Variants in CTNND2 observed in about 807,000 individuals in gnomAD.
The protein encoded by CTNND2 is catenin delta-2.
In CTNND2, 22 loss-of-function variants were observed where a neutral mutation model predicts 144.4. That is an observed-to-expected ratio of 0.15 (90% confidence interval 0.11 to 0.22). CTNND2 has a LOEUF of 0.22. CTNND2 is among the 10% of genes least tolerant of loss of function. CTNND2 has a pLI of 1.00. For missense variants in CTNND2, 1,353 were observed against 1,618.8 expected, an observed-to-expected ratio of 0.84 and a Z score of 2.82; for synonymous variants, 751 against 695.6, an observed-to-expected ratio of 1.08 and a Z score of -1.25.
At chr5:11,522,474 T>C (rs979152454) in intron 3 of CTNND2, among the ~76,000 whole-genome samples, 5 of 152,322 alleles carry the variant, frequency 3.3e-5, no homozygotes, top group Admixed American at 3.3e-4. Flanking sequence ...TCCCAAAGCA[T>C]TGCCGCAGAC....
chr5:11,436,179 A>T lies in CTNND2; in HGVS notation c.288-24110T>A, dbSNP rs562995022. On this transcript the variant is annotated intron_variant, in intron 3 of 21. Transcript: ENST00000304623. ...TTCAGGAATATACACTGTTGTTTGG[A>T]AGAACACCAGTGGGCAACAGACGAA... is the stretch of plus-strand genomic sequence containing the variant. Among the ~76,000 whole-genome samples, 14 of 152,174 alleles carry T rather than the reference A, an allele frequency of 9.2e-5. No individual in the cohort carries two copies. In the South Asian group the frequency reaches 2.7e-3, roughly 30 times the overall value.
At chr5:11,775,252 G>A (rs898827487) in intron 1 of CTNND2, among the ~76,000 whole-genome samples, 3 of 152,204 alleles carry the variant, frequency 2.0e-5, no homozygotes. Flanking sequence ...AACAAGAAAG[G>A]ACTTGGGCAT....
intron 1 of CTNND2, among the ~76,000 whole-genome samples, chr5:11,748,679 A>G (rs1176066545): frequency 6.6e-6 from 1 of 152,048 alleles, no homozygotes; most frequent in Non-Finnish European, 1.5e-5. Flanking sequence ...CCCTTTTTAA[A>G]TTACCTCCTA....
At chr5:11,787,775 G>A (rs1366741550) in intron 1 of CTNND2, among the ~76,000 whole-genome samples, 1 of 152,102 alleles carries the variant, frequency 6.6e-6, no homozygotes, top group Non-Finnish European at 1.5e-5. Flanking sequence ...AGTTATTCTC[G>A]AGCTTTTAGT....
chr5:11,889,937 C>A (rs1407694622), intron 1 of CTNND2, among the ~76,000 whole-genome samples: 1 of 152,082 alleles, frequency 6.6e-6, no homozygotes, highest in Non-Finnish European at 1.5e-5. Flanking sequence ...TTCTACTTTT[C>A]TTTTAGTTGA....
chr5:11,243,017 G>C (rs79150211), intron 9 of CTNND2, among the ~76,000 whole-genome samples: 50 of 152,270 alleles, frequency 3.3e-4, no homozygotes, highest in South Asian at 1.2e-3. Flanking sequence ...ACTGCCAAAA[G>C]GGATACATTT....
At chr5:11,154,924 G>C (rs138394697) in intron 12 of CTNND2, among the ~76,000 whole-genome samples, 42 of 152,268 alleles carry the variant, frequency 2.8e-4, no homozygotes, top group Admixed American at 6.5e-4. Context: ...CTGTGCATAT[G>C]TCCTCTTTTT....
chr5:11,138,329 G>A (rs920553232), intron 12 of CTNND2, among the ~76,000 whole-genome samples: 14 of 152,254 alleles, frequency 9.2e-5, no homozygotes, highest in African/African-American at 3.1e-4. Flanking sequence ...CCCTATTCAC[G>A]TCTGCAAAGT....
chr5:11,730,503 T>C (rs1311515879), intron 2 of CTNND2, among the ~76,000 whole-genome samples: 2 of 152,234 alleles, frequency 1.3e-5, no homozygotes, highest in African/African-American at 4.8e-5. Flanking sequence ...GACCATTCTT[T>C]TTTGGGCCCA....
chr5:11,771,577 A>G (rs1049741019), intron 1 of CTNND2, among the ~76,000 whole-genome samples: 3 of 152,124 alleles, frequency 2.0e-5, no homozygotes, highest in African/African-American at 7.2e-5. Context: ...AAAATTCTAC[A>G]ATGTTGCTTT....
At chr5:11,254,036 C>T (rs971909721) in intron 9 of CTNND2, among the ~76,000 whole-genome samples, 11 of 152,164 alleles carry the variant, frequency 7.2e-5, no homozygotes, top group African/African-American at 2.7e-4. Context: ...AAATGCTTTA[C>T]ATCAAACGGG....
At chr5:11,392,733 G>A (rs1028228848) in intron 6 of CTNND2, among the ~76,000 whole-genome samples, 1 of 152,108 alleles carries the variant, frequency 6.6e-6, no homozygotes, top group Non-Finnish European at 1.5e-5. Flanking sequence ...TGCAAATACG[G>A]GCCAAGGAAA....
chr5:11,841,143 C>T lies in CTNND2; in HGVS notation c.37+62674G>A, dbSNP rs545939103. On this transcript the variant is annotated intron_variant, in intron 1 of 21. Coordinates refer to ENST00000304623, the MANE Select transcript of CTNND2 (RefSeq NM_001332.4). ...CATTTGAACTCCTTAAAATAAACAA[C>T]GATGAACAAAAAAAAGTAAGGTAAC... Among the ~76,000 whole-genome samples the T allele has an allele frequency of 2.6e-5, 4 of 152,150 alleles. No individual in the cohort carries two copies. In the South Asian group the frequency reaches 6.2e-4, roughly 24 times the overall value.
chr5:11,041,061 G>A (rs1261564224), intron 16 of CTNND2, among the ~76,000 whole-genome samples: 2 of 152,168 alleles, frequency 1.3e-5, no homozygotes, highest in East Asian at 3.9e-4. Flanking sequence ...TCTGAAATTA[G>A]TCCTCCAACC....
intron 3 of CTNND2, among the ~76,000 whole-genome samples, chr5:11,413,609 A>G (rs533320834): frequency 8.5e-5 from 13 of 152,310 alleles, no homozygotes; most frequent in South Asian, 6.2e-4. Context: ...TTTCTTAAGT[A>G]TATGTATTTT....
intron 18 of CTNND2, among the ~76,000 whole-genome samples, chr5:11,007,560 A>G (rs1054286130): frequency 9.9e-5 from 15 of 152,226 alleles, no homozygotes; most frequent in African/African-American, 3.6e-4. Context: ...GGTTGTTGCT[A>G]ATGTTCTTAT....
intron 9 of CTNND2, among the ~76,000 whole-genome samples, chr5:11,258,371 T>C (rs890131552): frequency 2.0e-5 from 3 of 152,200 alleles, no homozygotes; most frequent in African/African-American, 7.2e-5. Context: ...CATCTGGTCA[T>C]CTAAAAATCT....
intron 3 of CTNND2, among the ~76,000 whole-genome samples, chr5:11,543,637 T>G (rs916140003): frequency 1.0e-4 from 5 of 50,100 alleles, no homozygotes; most frequent in Non-Finnish European, 1.6e-4. Flanking sequence ...TAACGCTGTT[T>G]TTTTTTTTTT....
chr5:11,084,177 G>A (rs746837297), intron 15 of CTNND2, among the ~76,000 whole-genome samples: 5 of 152,342 alleles, frequency 3.3e-5, no homozygotes, highest in Admixed American at 6.5e-5. Context: ...CTTTCAGGGA[G>A]CAAAGAAGTG....
Sources: allele counts gnomAD v4.1 joint callset (sites outside exome capture counted in the v4.1 genomes callset), GRCh38; gene constraint gnomAD v4.1.1; transcripts MANE v1.5; gene names NCBI Gene and HGNC (gene_info 2026-07-23, HGNC 2026-07-21).